LRRTM4: variants seen among roughly 807,000 people sequenced by gnomAD.
LRRTM4 encodes the protein leucine rich repeat transmembrane neuronal 4.
LRRTM4 carries 25 observed loss-of-function variants against 47.6 expected under a neutral mutation model. The observed-to-expected ratio is 0.53, with a 90% CI of 0.38 to 0.73. The LOEUF (loss-of-function observed/expected upper bound fraction) is 0.73. LRRTM4 is among the 30% of genes least tolerant of loss of function. The probability of loss-of-function intolerance (pLI) is 0.00; values close to 1 mark genes in which losing one functional copy is unlikely to be tolerated. For missense variants in LRRTM4, 638 were observed against 713.4 expected (o/e 0.89, Z 1.20); for synonymous variants, 311 against 269.5 (o/e 1.15, Z -1.51).
At chr2:76,803,666 A>G (rs1235399189) in intron 3 of LRRTM4, among the ~76,000 whole-genome samples, 2 of 152,174 alleles carry the variant, frequency 1.3e-5, no homozygotes, top group Non-Finnish European at 2.9e-5. Flanking sequence ...TATTTGAAGA[A>G]AAGAGTTAAC....
intron 3 of LRRTM4, among the ~76,000 whole-genome samples, chr2:77,424,961 G>GT (rs1254027919): frequency 6.6e-6 from 1 of 152,120 alleles, no homozygotes; most frequent in Non-Finnish European, 1.5e-5. Flanking sequence ...GATGCTTGAT[G>GT]TTTTAAGTGG....
chr2:76,895,395 T>G (rs1304774174), intron 3 of LRRTM4, among the ~76,000 whole-genome samples: 1 of 152,048 alleles, frequency 6.6e-6, no homozygotes, highest in East Asian at 1.9e-4. Context: ...CTGTGTAGCC[T>G]GTAAAATTTG....
intron 3 of LRRTM4, among the ~76,000 whole-genome samples, chr2:77,236,390 T>C (rs1392069780): frequency 6.6e-6 from 1 of 152,022 alleles, no homozygotes. Flanking sequence ...AGTGAAGTTG[T>C]TACATTAGTT....
At chr2:76,861,095 GT>G (rs1219900833) in intron 3 of LRRTM4, among the ~76,000 whole-genome samples, 3 of 151,948 alleles carry the variant, frequency 2.0e-5, no homozygotes, top group Non-Finnish European at 4.4e-5. Context: ...ACTGGTAAGT[GT>G]TTTTTGATAA....
intron 3 of LRRTM4, among the ~76,000 whole-genome samples, chr2:77,085,650 TTTAA>T (rs1227879403): frequency 6.6e-6 from 1 of 152,196 alleles, no homozygotes; most frequent in African/African-American, 2.4e-5. Flanking sequence ...ACACAATTGC[TTTAA>T]TTTTTAGCAA....
At chr2:76,814,000 C>T (rs1255580958) in intron 3 of LRRTM4, among the ~76,000 whole-genome samples, 1 of 151,964 alleles carries the variant, frequency 6.6e-6, no homozygotes, top group African/African-American at 2.4e-5. Flanking sequence ...TTTATATCTC[C>T]TTATCCCCCT....
Position 77,156,748 on chromosome 2 carries a change from C to T in LRRTM4, c.1551+361570G>A, listed in dbSNP as rs1672570882. On this transcript the variant is annotated intron_variant, in intron 3 of 3. Transcript: ENST00000409884. ...TTTGAGACAAGGTCTTACCCTGTCA[C>T]CCAGGCTAGAGTGCAGTGGCATAAT... Among the ~76,000 whole-genome samples the T allele has an allele frequency of 6.7e-5, 10 of 150,170 alleles. No individual in the cohort carries two copies. In the South Asian group the frequency reaches 2.1e-3, roughly 32 times the overall value.
At chr2:77,515,685 T>A (rs1679179764) in intron 3 of LRRTM4, among the ~76,000 whole-genome samples, 1 of 151,876 alleles carries the variant, frequency 6.6e-6, no homozygotes, top group Non-Finnish European at 1.5e-5. Context: ...ATGAGACTTA[T>A]GAAAACAATG....
chr2:77,477,842 CA>C (rs138492779), intron 3 of LRRTM4, among the ~76,000 whole-genome samples: 50 of 97,108 alleles, frequency 5.1e-4, no homozygotes, highest in East Asian at 1.3e-3. Context: ...AAAACTCCAT[CA>C]AAAAAAAAAA....
intron 3 of LRRTM4, among the ~76,000 whole-genome samples, chr2:76,929,687 A>G (rs1202815238): frequency 2.6e-5 from 4 of 152,166 alleles, no homozygotes; most frequent in African/African-American, 9.7e-5. Context: ...CAGACTTTAC[A>G]GGATTATGAC....
intron 3 of LRRTM4, among the ~76,000 whole-genome samples, chr2:77,366,271 T>C (rs1672455276): frequency 6.6e-6 from 1 of 151,854 alleles, no homozygotes; most frequent in Admixed American, 6.6e-5. Context: ...AATTTCCTAG[T>C]TGAACTTAAC....
chr2:76,968,372 A>ATG (rs1186444128), intron 3 of LRRTM4, among the ~76,000 whole-genome samples: 1 of 137,706 alleles, frequency 7.3e-6, no homozygotes, highest in East Asian at 2.2e-4. Context: ...ATATATATAT[A>ATG]TATATATATA....
At chr2:77,310,751 A>C (rs1318707955) in intron 3 of LRRTM4, among the ~76,000 whole-genome samples, 1 of 152,186 alleles carries the variant, frequency 6.6e-6, no homozygotes, top group African/African-American at 2.4e-5. Flanking sequence ...ACTACAAGCA[A>C]TGTGTCAATA....
At chr2:76,900,686 A>G (rs1053233817) in intron 3 of LRRTM4, among the ~76,000 whole-genome samples, 32 of 152,200 alleles carry the variant, frequency 2.1e-4, no homozygotes, top group African/African-American at 7.7e-4. Flanking sequence ...TAACTGAAAA[A>G]AATGGGACAC....
intron 3 of LRRTM4, among the ~76,000 whole-genome samples, chr2:77,186,644 G>A (rs1436302688): frequency 1.3e-5 from 2 of 152,068 alleles, no homozygotes; most frequent in Non-Finnish European, 2.9e-5. Flanking sequence ...GTCATAAAAA[G>A]GAAATAATTA....
intron 3 of LRRTM4, among the ~76,000 whole-genome samples, chr2:77,500,657 A>C (rs888546427): frequency 2.0e-5 from 3 of 151,644 alleles, no homozygotes; most frequent in Non-Finnish European, 4.4e-5. Context: ...ATCATATCTC[A>C]AAATGAAAGA....
At chr2:77,020,611 G>A (rs1371532374) in intron 3 of LRRTM4, among the ~76,000 whole-genome samples, 1 of 34,604 alleles carries the variant, frequency 2.9e-5, no homozygotes, top group African/African-American at 5.4e-4. Context: ...TGTTTTTAAG[G>A]TAGTAACATA....
chr2:77,104,691 C>G lies in LRRTM4; in HGVS notation c.1552-355775G>C, dbSNP rs541041861. Among the ~76,000 whole-genome samples, 7 of 152,262 alleles carry G rather than the reference C, an allele frequency of 4.6e-5. No individual in the cohort carries two copies. In the East Asian group the frequency reaches 1.4e-3, roughly 29 times the overall value. ...ACCTCCTCAAACAGTTAAGACGTCC[C>G]CACTGGAACACTTGGTGGCGCCAAT... On this transcript the variant is annotated intron_variant, in intron 3 of 3. Coordinates refer to ENST00000409884, the MANE Select transcript of LRRTM4 (RefSeq NM_001134745.3).
At chr2:76,900,657 A>C (rs1673592996) in intron 3 of LRRTM4, among the ~76,000 whole-genome samples, 1 of 152,212 alleles carries the variant, frequency 6.6e-6, no homozygotes. Context: ...AAGTATGTCC[A>C]TTTAAGTATC....
Sources: allele counts gnomAD v4.1 joint callset (sites outside exome capture counted in the v4.1 genomes callset), GRCh38; gene constraint gnomAD v4.1.1; transcripts MANE v1.5; gene names NCBI Gene and HGNC (gene_info 2026-07-23, HGNC 2026-07-21).